NUDT12: variants seen among roughly 807,000 people sequenced by gnomAD.
NUDT12 encodes the protein nudix hydrolase 12.
A neutral mutation model predicts 45.7 loss-of-function variants in NUDT12; 42 were observed. The ratio of observed to expected loss-of-function variants is 0.92; its 90% CI spans 0.72 to 1.19. NUDT12 has a LOEUF of 1.19. Ranked by LOEUF, NUDT12 falls within the 50% of genes most tolerant of loss-of-function variation. NUDT12 has a pLI of 0.00. For missense variants in NUDT12, 590 were observed against 533.1 expected (o/e 1.11, Z -1.05); for synonymous variants, 206 against 179.7 (o/e 1.15, Z -1.17).
intron 3 of NUDT12, among the ~76,000 whole-genome samples, chr5:103,557,881 T>C (rs1562619638): frequency 6.6e-6 from 1 of 152,126 alleles, no homozygotes; most frequent in Non-Finnish European, 1.5e-5. Flanking sequence ...TGTGTGTTGA[T>C]GACTGCCATA....
chr5:103,555,380 T>C (rs922533422), intron 4 of NUDT12, among the ~76,000 whole-genome samples: 1 of 152,064 alleles, frequency 6.6e-6, no homozygotes, highest in African/African-American at 2.4e-5. Flanking sequence ...GAACTAGGAA[T>C]TAAATGTAAA....
chr5:103,560,275 G>C (rs1490072513), intron 1 of NUDT12, 21 bp from the exon 2 acceptor site: 4 of 1,520,076 alleles, frequency 2.6e-6, no homozygotes, highest in East Asian at 4.5e-5. Context: ...GGAAAATCAG[G>C]GGAAAAAGCT....
rs1748596443 is a variant in NUDT12, at chr5:103,549,805, C to A, written c.*1056G>T. The stretch of plus-strand genomic sequence containing the variant: ...TTCTATGTTGCAAAATTGTGAACTA[C>A]TATGTTTTGCTTTCTCTAGAATCTT... On this transcript the variant is annotated 3_prime_UTR_variant, in exon 7 of 7. Coordinates refer to ENST00000230792, the MANE Select transcript of NUDT12 (RefSeq NM_031438.4). 1 of 152,062 alleles carries A rather than the reference C, an allele frequency of 6.6e-6. No individual in the cohort carries two copies. Among genetic ancestry groups the A allele is most frequent in the South Asian group, 2.1e-4 (1 of 4,830 alleles). The allele number at this position is 152,062 out of a possible 1,614,324, so 9.4% of individuals were successfully genotyped here. A position where few individuals can be genotyped will look rare whatever the true frequency, so the allele number is the denominator to read the frequency against.
Position 103,550,808 on chromosome 5 carries a change from G to A in NUDT12, c.*53C>T. ...TGAATAATCTCTAATATCACTTGAG[G>A]AATGAGTGTTATTAGAAATTATTAA... On this transcript the variant is annotated 3_prime_UTR_variant, in exon 7 of 7. Coordinates refer to ENST00000230792, the MANE Select transcript of NUDT12 (RefSeq NM_031438.4). The A allele has an allele frequency of 8.2e-7, 1 of 1,213,788 alleles. No individual in the cohort carries two copies. Among genetic ancestry groups the A allele is most frequent in the Admixed American group, 1.7e-5 (1 of 58,558 alleles). The allele number at this position is 1,213,788 out of a possible 1,614,324, so 75.2% of individuals were successfully genotyped here.
At chr5:103,558,065 G>A (rs1009933864) in intron 3 of NUDT12, among the ~76,000 whole-genome samples, 3 of 151,778 alleles carry the variant, frequency 2.0e-5, no homozygotes, top group Non-Finnish European at 4.4e-5. Context: ...AAAGTCTCTA[G>A]CCTAGCAGTC....
At chr5:103,552,986 A>G (rs1748705054) in intron 5 of NUDT12, among the ~76,000 whole-genome samples, 1 of 152,148 alleles carries the variant, frequency 6.6e-6, no homozygotes. Flanking sequence ...AATGTACTTT[A>G]TATTTCTAAT....
In NUDT12 at chr5:103,558,939, T is replaced by C; in HGVS notation, c.736A>G (p.Asn246Asp). ...ATAGGAGGATGAAGAAAGTAACAAT[T>C]TTCATGTCTTTGCTTGAATTCTTCA... ...AAEEFKQRHE[N>D]CYFLHPPMPA... Residue 246 changes from asparagine (N) to aspartate (D), a missense_variant, in exon 3 of 7, where the codon AAT becomes GAT. Transcript: ENST00000230792. 6.2e-7 allele frequency: 1 copy of C among 1,610,436 alleles called. No individual in the cohort carries two copies. Among genetic ancestry groups the C allele is most frequent in the Non-Finnish European group, 8.5e-7 (1 of 1,178,622 alleles).
In NUDT12 at chr5:103,560,083, T is replaced by A. The variant is rs1328662898; in HGVS notation, c.166A>T (p.Asn56Tyr). ...AATTGGACTATCTCTGGGTGCCCATTCCTTGCCGCATACATTAAAGCAGTC... is the reference window on the plus strand; with the variant it reads ...AATTGGACTATCTCTGGGTGCCCATACCTTGCCGCATACATTAAAGCAGTC... Reference protein sequence around the residue: ...GWTALMYAARNGHPEIVQFLL... With the variant: ...GWTALMYAARYGHPEIVQFLL... The change falls in exon 2 of 7, where the codon AAT becomes TAT. Residue 56 changes from asparagine (N) to tyrosine (Y), a missense_variant. Coordinates refer to ENST00000230792, the MANE Select transcript of NUDT12 (RefSeq NM_031438.4). 6.2e-7 allele frequency: 1 copy of A among 1,613,872 alleles called. No individual in the cohort carries two copies. Among genetic ancestry groups the A allele is most frequent in the African/African-American group, 1.3e-5 (1 of 74,920 alleles).
Position 103,556,023 on chromosome 5 carries a change from G to A in NUDT12, c.872C>T (p.Thr291Ile). The change falls in exon 4 of 7, where the codon ACT becomes ATT. Residue 291 changes from threonine (T) to isoleucine (I), a missense_variant. Coordinates refer to ENST00000230792, the MANE Select transcript of NUDT12 (RefSeq NM_031438.4). ...YKFCPTCGNA[T>I]KIEEGGYKRL... ...CTTATAGCCACCTTCTTCAATTTTA[G>A]TTGCATTTCCACAGGTTGGGCAAAA... 1 of 1,611,840 alleles carries A rather than the reference G, an allele frequency of 6.2e-7. No individual in the cohort carries two copies. The highest frequency in any genetic ancestry group is 2.2e-5 in the East Asian group (1 of 44,802).
At chr5:103,561,034 T>TA (rs1749017200) in intron 1 of NUDT12, among the ~76,000 whole-genome samples, 1 of 151,520 alleles carries the variant, frequency 6.6e-6, no homozygotes, top group Non-Finnish European at 1.5e-5. Flanking sequence ...CTGCAGATGA[T>TA]AGAGCACACA....
Position 103,559,329 on chromosome 5 carries a change from C to G in NUDT12, c.346G>C (p.Glu116Gln). 9 of 1,613,362 alleles carry G rather than the reference C, an allele frequency of 5.6e-6. No individual in the cohort carries two copies. The highest frequency in any genetic ancestry group is 7.6e-6 in the Non-Finnish European group (9 of 1,179,698). ...KPWFLTNEVE[E>Q]CENYFSKTLL... ...GTTTTGCTAAAATAATTTTCACATT[C>G]TTCCACTTCATTCGTTAGGAACCAA... Residue 116 changes from glutamate to glutamine, a missense_variant, in exon 3 of 7, where the codon GAA (glutamate) becomes CAA (glutamine). Glu to Gln is a conservative substitution (Grantham distance 29). Coordinates refer to ENST00000230792, the MANE Select transcript of NUDT12 (RefSeq NM_031438.4).
chr5:103,556,594 TC>T (rs1484818177), intron 3 of NUDT12, among the ~76,000 whole-genome samples: 1 of 152,136 alleles, frequency 6.6e-6, no homozygotes, highest in East Asian at 1.9e-4. Context: ...CAACCTGTTT[TC>T]AACTGGAGAC....
At chr5:103,558,840 A>C in intron 3 of NUDT12, 39 bp downstream of exon 3, 2 of 1,429,144 alleles carry the variant, frequency 1.4e-6, no homozygotes, top group Non-Finnish European at 1.9e-6. Flanking sequence ...AAGTCTAAAA[A>C]CCAGATTTTA....
At chr5:103,554,214 C>T (rs964463932) in intron 5 of NUDT12, among the ~76,000 whole-genome samples, 1 of 152,132 alleles carries the variant, frequency 6.6e-6, no homozygotes, top group African/African-American at 2.4e-5. Flanking sequence ...TCAGATACAG[C>T]AGTGGATAAA....
rs1199240695 is a variant in NUDT12, at chr5:103,560,111, G to A, written c.138C>T (p.Gly46=). Residue 46 remains glycine (G), a synonymous_variant, in exon 2 of 7, where the codon GGC becomes GGT. Coordinates refer to ENST00000230792, the MANE Select transcript of NUDT12 (RefSeq NM_031438.4). ...TTGCCGCATACATTAAAGCAGTCCA[G>A]CCATTTTCAGAAGTTTCATTGAGAA... ...PSLLNETSEN[G]WTALMYAARN... is the part of the protein sequence containing the mutation. 3.1e-6 allele frequency: 5 copies of A among 1,613,780 alleles called. No individual in the cohort carries two copies. The African/African-American group carries it at 5.3e-5, about 17-fold the overall frequency.
intron 5 of NUDT12, among the ~76,000 whole-genome samples, chr5:103,553,052 A>G (rs1562617262): frequency 2.0e-5 from 3 of 152,118 alleles, no homozygotes; most frequent in Non-Finnish European, 4.4e-5. Flanking sequence ...AATCATTTCT[A>G]AGTAAAATCT....
chr5:103,555,783 G>C (rs76853388), intron 4 of NUDT12, 148 bp downstream of exon 4: 71 of 469,656 alleles, frequency 1.5e-4, no homozygotes, highest in African/African-American at 1.2e-3. Flanking sequence ...TAAAAATCAT[G>C]AAAGTGTGTA....
chr5:103,553,094 T>C (rs925921598), intron 5 of NUDT12, among the ~76,000 whole-genome samples: 15 of 152,072 alleles, frequency 9.9e-5, no homozygotes, highest in Non-Finnish European at 2.9e-5. Context: ...TAAATATTGC[T>C]GTATTTAGCA....
Position 103,550,718 on chromosome 5 carries a change from G to T in NUDT12, c.*143C>A. The T allele has an allele frequency of 1.8e-6, 1 of 567,678 alleles. No individual in the cohort carries two copies. Among genetic ancestry groups the T allele is most frequent in the Non-Finnish European group, 3.1e-6 (1 of 321,988 alleles). The allele number at this position is 567,678 out of a possible 1,614,324, so 35.2% of individuals were successfully genotyped here. A position where few individuals can be genotyped will look rare whatever the true frequency, so the allele number is the denominator to read the frequency against. On this transcript the variant is annotated 3_prime_UTR_variant, in exon 7 of 7. Coordinates refer to ENST00000230792, the MANE Select transcript of NUDT12 (RefSeq NM_031438.4). ...AAAATATGAATTTGTGATTAAGACA[G>T]AACACTTTGAAAATATTTCGAAAAC...
Sources: gnomAD v4.1 joint callset for allele counts (sites outside exome capture counted in the v4.1 genomes callset) on GRCh38, gnomAD v4.1.1 for gene constraint, MANE v1.5 for transcripts, NCBI Gene and HGNC (gene_info 2026-07-23, HGNC 2026-07-21) for gene names.